SLC35F4: variants seen among roughly 807,000 people sequenced by gnomAD.
SLC35F4 encodes the protein solute carrier family 35 member F4.
SLC35F4 carries 24 observed loss-of-function variants against 44.2 expected under a neutral mutation model. The ratio of observed to expected loss-of-function variants is 0.54; its 90% confidence interval spans 0.39 to 0.76. The LOEUF is 0.76. Ranked by LOEUF, SLC35F4 falls within the 30% of genes least tolerant of loss-of-function variation. The pLI, the probability that SLC35F4 is intolerant of heterozygous loss-of-function variation, is 0.00. For missense variants in SLC35F4, 562 were observed against 586.1 expected, an observed-to-expected ratio of 0.96 and a Z score of 0.42; for synonymous variants, 238 against 223.6, an observed-to-expected ratio of 1.06 and a Z score of -0.57.
chr14:57,582,872 A>G (rs1050800644), intron 3 of SLC35F4, among the ~76,000 whole-genome samples: 2 of 152,216 alleles, frequency 1.3e-5, no homozygotes, highest in Non-Finnish European at 2.9e-5. Context: ...GGAGAGGAGG[A>G]GTGACAAAGA....
chr14:57,770,573 T>A (rs2077339406), intron 1 of SLC35F4, among the ~76,000 whole-genome samples: 1 of 152,146 alleles, frequency 6.6e-6, no homozygotes, highest in Non-Finnish European at 1.5e-5. Context: ...CTTAAACTCT[T>A]GGACTATTTT....
At chr14:57,963,500 G>A (rs769561293) in intron 1 of SLC35F4, among the ~76,000 whole-genome samples, 1 of 152,152 alleles carries the variant, frequency 6.6e-6, no homozygotes, top group South Asian at 2.1e-4. Flanking sequence ...AGGTCCTGCA[G>A]TGCTGTGTTC....
intron 1 of SLC35F4, among the ~76,000 whole-genome samples, chr14:57,953,252 A>G (rs1890174312): frequency 1.3e-5 from 2 of 152,222 alleles, no homozygotes; most frequent in African/African-American, 4.8e-5. Context: ...TACCACCACC[A>G]GGCCTGACTT....
chr14:57,784,951 T>C (rs1247622748), intron 1 of SLC35F4, among the ~76,000 whole-genome samples: 1 of 152,188 alleles, frequency 6.6e-6, no homozygotes, highest in South Asian at 2.1e-4. Flanking sequence ...CTTTTCTTAA[T>C]AACATTTTTT....
intron 1 of SLC35F4, among the ~76,000 whole-genome samples, chr14:57,681,894 A>T (rs2074917319): frequency 1.3e-5 from 2 of 152,262 alleles, no homozygotes; most frequent in African/African-American, 4.8e-5. Flanking sequence ...ATAGGAAAAA[A>T]AGCTCATCAT....
intron 1 of SLC35F4, among the ~76,000 whole-genome samples, chr14:57,691,791 C>T (rs1351449767): frequency 3.3e-5 from 5 of 151,934 alleles, no homozygotes; most frequent in South Asian, 4.2e-4. Context: ...ATAGGAGAGA[C>T]GAGATACTTA....
intron 1 of SLC35F4, among the ~76,000 whole-genome samples, chr14:57,792,226 G>A (rs1392765769): frequency 6.6e-6 from 1 of 152,056 alleles, no homozygotes. Context: ...CCTCACTCCT[G>A]CAAGAATATC....
intron 1 of SLC35F4, among the ~76,000 whole-genome samples, chr14:57,815,168 T>C (rs1461698968): frequency 6.6e-6 from 1 of 152,174 alleles, no homozygotes; most frequent in Non-Finnish European, 1.5e-5. Flanking sequence ...ACCCTTTATT[T>C]AGAATAACAC....
downstream of SLC35F4, among the ~76,000 whole-genome samples, chr14:57,974,727 G>T (rs746511827): frequency 6.6e-6 from 1 of 152,016 alleles, no homozygotes; most frequent in Non-Finnish European, 1.5e-5. Flanking sequence ...GTTGAAAAAA[G>T]GATTATGAAG....
At chr14:57,744,161 T>G (rs1408553474) in intron 1 of SLC35F4, among the ~76,000 whole-genome samples, 1 of 152,140 alleles carries the variant, frequency 6.6e-6, no homozygotes, top group Non-Finnish European at 1.5e-5. Context: ...CTTTGAAAAC[T>G]GGCACAAGAC....
chr14:57,937,922 C>T (rs140441908), intron 1 of SLC35F4, among the ~76,000 whole-genome samples: 1 of 152,292 alleles, frequency 6.6e-6, no homozygotes, highest in East Asian at 1.9e-4. Context: ...TCCCCAACAT[C>T]ACATGCACAT....
At chr14:57,975,140 GT>G (rs1411954915), downstream of SLC35F4, among the ~76,000 whole-genome samples, 1 of 152,202 alleles carries the variant, frequency 6.6e-6, no homozygotes, top group Non-Finnish European at 1.5e-5. Context: ...TACATAAAGA[GT>G]TGATCATTGA....
intron 1 of SLC35F4, among the ~76,000 whole-genome samples, chr14:57,904,035 T>C (rs1400024428): frequency 6.6e-6 from 1 of 152,220 alleles, no homozygotes; most frequent in African/African-American, 2.4e-5. Flanking sequence ...TGTTATTAGC[T>C]TGGGAAAGTG....
At chr14:57,613,444 C>G (rs1005498057) in intron 1 of SLC35F4, among the ~76,000 whole-genome samples, 1 of 152,148 alleles carries the variant, frequency 6.6e-6, no homozygotes, top group African/African-American at 2.4e-5. Flanking sequence ...CTGTCCTCCC[C>G]CAACAATGGG....
At chr14:57,874,582 A>G (rs1566918438) in intron 1 of SLC35F4, among the ~76,000 whole-genome samples, 1 of 152,200 alleles carries the variant, frequency 6.6e-6, no homozygotes, top group African/African-American at 2.4e-5. Flanking sequence ...CAGATGGTTC[A>G]GAGGCCCCTC....
intron 1 of SLC35F4, among the ~76,000 whole-genome samples, chr14:57,639,497 C>A (rs2073142208): frequency 6.6e-6 from 1 of 151,802 alleles, no homozygotes; most frequent in Non-Finnish European, 1.5e-5. Context: ...TTGGGTTTAC[C>A]AAAACACAAG....
chr14:57,782,947 C>G (rs1048870910), intron 1 of SLC35F4, among the ~76,000 whole-genome samples: 1 of 151,880 alleles, frequency 6.6e-6, no homozygotes, highest in African/African-American at 2.4e-5. Context: ...CCGGCTATCT[C>G]AAGATAAATG....
At chr14:57,869,346 A>G (rs1387412079), upstream of SLC35F4, among the ~76,000 whole-genome samples, 1 of 152,192 alleles carries the variant, frequency 6.6e-6, no homozygotes, top group Non-Finnish European at 1.5e-5. Flanking sequence ...TTATTCAAAG[A>G]TAAGCAGTCT....
chr14:57,900,471 T>A (rs773655270), intron 1 of SLC35F4, among the ~76,000 whole-genome samples: 4 of 152,126 alleles, frequency 2.6e-5, no homozygotes, highest in Non-Finnish European at 5.9e-5. Context: ...GGGGAGGTGG[T>A]TCCCCAAGGA....
Sources: allele counts gnomAD v4.1 joint callset (sites outside exome capture counted in the v4.1 genomes callset), GRCh38; gene constraint gnomAD v4.1.1; transcripts MANE v1.5; gene names NCBI Gene and HGNC (gene_info 2026-07-23, HGNC 2026-07-21).